Variants in FRK observed in about 807,000 individuals in gnomAD.
The protein encoded by FRK is tyrosine-protein kinase FRK.
Under a neutral mutation model 56.4 loss-of-function variants are expected in FRK, and 51 were observed. That is an observed-to-expected ratio of 0.90 (90% confidence interval 0.72 to 1.14). FRK has a LOEUF of 1.14. FRK is among the 50% of genes most tolerant of loss of function. The pLI is 0.00. For synonymous variants in FRK, 245 were observed against 217.9 expected, an observed-to-expected ratio of 1.12 and a Z score of -1.10; for missense variants, 570 against 601.4, an observed-to-expected ratio of 0.95 and a Z score of 0.55.
At chr6:116,047,751 A>T (rs555696445) in intron 1 of FRK, among the ~76,000 whole-genome samples, 2 of 152,324 alleles carry the variant, frequency 1.3e-5, no homozygotes, top group South Asian at 2.1e-4. Flanking sequence ...ACATAGTCTC[A>T]CTTCCTCCTG....
chr6:116,016,130 C>A (rs557916407), intron 1 of FRK, among the ~76,000 whole-genome samples: 1 of 152,254 alleles, frequency 6.6e-6, no homozygotes, highest in Admixed American at 6.5e-5. Context: ...GGCAGCCCCT[C>A]CCATCACAGG....
intron 1 of FRK, chr6:116,039,561 T>A (rs1776632500): frequency 1.1e-6 from 1 of 895,752 alleles, no homozygotes; most frequent in South Asian, 1.3e-5. Context: ...GCCCAGTAAC[T>A]GCCCCTCCCC....
At chr6:115,962,657 C>A (rs1363976742) in intron 4 of FRK, among the ~76,000 whole-genome samples, 1 of 16,288 alleles carries the variant, frequency 6.1e-5, no homozygotes, top group Non-Finnish European at 1.5e-4. Context: ...TAAAGCTCTC[C>A]TCAGCAAATG....
At position 115,942,322 on chromosome 6, in the gene FRK, C is replaced by T; in HGVS notation, c.*92G>A. ...TATCACTTGAATATGTCAGGATAAA[C>T]TGATTGTGCAGTTGGTTGATAACAT... On this transcript the variant is annotated 3_prime_UTR_variant, in exon 8 of 8. Transcript: ENST00000606080. 1 of 1,037,238 alleles carries T rather than the reference C, an allele frequency of 9.6e-7. No homozygotes were observed. Among genetic ancestry groups the T allele is most frequent in the Non-Finnish European group, 1.5e-6 (1 of 685,162 alleles). 64.3% of individuals were successfully genotyped at this position (1,037,238 alleles called of 1,614,324 possible). A position where few individuals can be genotyped will look rare whatever the true frequency, so the allele number is the denominator to read the frequency against.
intron 1 of FRK, chr6:116,039,331 A>C: frequency 7.1e-7 from 1 of 1,417,946 alleles, no homozygotes; most frequent in African/African-American, 1.4e-5. Context: ...ATGGTGTCCA[A>C]CATCTCTGAT....
chr6:116,055,238 C>A (rs1269985510), intron 1 of FRK, among the ~76,000 whole-genome samples: 1 of 152,164 alleles, frequency 6.6e-6, no homozygotes, highest in East Asian at 1.9e-4. Context: ...AAGAGCAGCA[C>A]AAGCAGGAAA....
chr6:115,956,302 A>C (rs1582644207), intron 5 of FRK, 150 bp downstream of exon 5: 1 of 436,476 alleles, frequency 2.3e-6, no homozygotes, highest in African/African-American at 2.0e-5. Flanking sequence ...ATTAAATAGT[A>C]GTTGAGCCAT....
chr6:115,991,328 T>C (rs1774597317), intron 2 of FRK, among the ~76,000 whole-genome samples: 1 of 151,770 alleles, frequency 6.6e-6, no homozygotes, highest in Non-Finnish European at 1.5e-5. Flanking sequence ...GTGGTGAGAG[T>C]GGACATCCTT....
intron 2 of FRK, among the ~76,000 whole-genome samples, chr6:116,002,159 GA>G (rs934434107): frequency 6.6e-6 from 1 of 152,062 alleles, no homozygotes; most frequent in South Asian, 2.1e-4. Context: ...TTCATAATGA[GA>G]AAAAAACATT....
chr6:116,037,049 G>A (rs1776512040), intron 1 of FRK, among the ~76,000 whole-genome samples: 1 of 152,118 alleles, frequency 6.6e-6, no homozygotes. Context: ...AGAATGTCAG[G>A]CACACCCAAA....
rs1422664378 is a variant in FRK, at chr6:115,994,321, AC to A, written c.466+9555del. 3.6e-4 allele frequency among the ~76,000 whole-genome samples: 17 copies of A among 47,814 alleles called. 3 individuals carry two copies. In the Admixed American group the frequency reaches 4.7e-3, roughly 13 times the overall value. The allele number at this position is 47,814 out of a possible 152,430, so 31.4% of individuals were successfully genotyped here. A position where few individuals can be genotyped will look rare whatever the true frequency, so the allele number is the denominator to read the frequency against. On this transcript the variant is annotated intron_variant, in intron 2 of 7. Transcript: ENST00000606080. ...GTTATTGGGTATCCAGAATCTCACAACCTCCCCCCCCCCCGCCTTTTTTTTG... is the reference window on the plus strand; with the variant it reads ...GTTATTGGGTATCCAGAATCTCACAACTCCCCCCCCCCCGCCTTTTTTTTG...
intron 1 of FRK, chr6:116,039,600 C>A (rs915805772): frequency 1.3e-6 from 1 of 784,720 alleles, no homozygotes; most frequent in Non-Finnish European, 2.3e-6. Flanking sequence ...TGTCATCTGC[C>A]CCCTCTTGCG....
chr6:115,982,423 T>C (rs760811597), intron 2 of FRK, among the ~76,000 whole-genome samples: 1 of 152,152 alleles, frequency 6.6e-6, no homozygotes, highest in South Asian at 2.1e-4. Flanking sequence ...CACATATATA[T>C]ACTTTACTAG....
At chr6:115,951,315 A>G (rs953969419) in intron 5 of FRK, among the ~76,000 whole-genome samples, 11 of 152,228 alleles carry the variant, frequency 7.2e-5, no homozygotes, top group African/African-American at 2.7e-4. Context: ...CATATAGTTT[A>G]TTTCCAGTCA....
At position 115,943,172 on chromosome 6, in the gene FRK, T is replaced by C; in HGVS notation, c.1154A>G (p.Asp385Gly). 1.2e-6 allele frequency: 2 copies of C among 1,609,488 alleles called. No individual in the cohort carries two copies. Among genetic ancestry groups the C allele is most frequent in the Non-Finnish European group, 1.7e-6 (2 of 1,178,292 alleles). ...LARVFKVDNEDIYESRHEIKL... is the reference protein window; with the variant it reads ...LARVFKVDNEGIYESRHEIKL... The stretch of plus-strand genomic sequence containing the variant: ...TATTTCGTGTCTAGATTCATAGATG[T>C]CTTCATTATCTACCTGTTCATGTAT... The change falls in exon 7 of 8, where the codon GAC becomes GGC. Residue 385 changes from aspartate (D) to glycine (G), a missense_variant. Coordinates refer to ENST00000606080, the MANE Select transcript of FRK (RefSeq NM_002031.3).
In FRK at chr6:115,958,712, A is replaced by AAAGAAGG. The variant is rs1773162953; in HGVS notation, c.800-2103_800-2102insCCTTCTT. ...AGAAAGAAAGAAAGAAAGAAGAAAG[A>AAAGAAGG]AAGAAAGAAAGAAAGAAAGAAAGAA... On this transcript the variant is annotated intron_variant, in intron 4 of 7. Coordinates refer to ENST00000606080, the MANE Select transcript of FRK (RefSeq NM_002031.3). Among the ~76,000 whole-genome samples the AAAGAAGG allele has an allele frequency of 8.5e-4, 14 of 16,520 alleles. 1 individual carries two copies. Among genetic ancestry groups the AAAGAAGG allele is most frequent in the African/African-American group, 2.9e-3 (12 of 4,074 alleles). 10.8% of individuals were successfully genotyped at this position (16,520 alleles called of 152,430 possible).
chr6:115,999,900 T>C, intron 2 of FRK, among the ~76,000 whole-genome samples: 1 of 152,186 alleles, frequency 6.6e-6, no homozygotes, highest in East Asian at 1.9e-4. Context: ...ATTTACTTTG[T>C]CCCCCAGTGA....
At chr6:115,956,192 T>C (rs1772980932) in intron 5 of FRK, among the ~76,000 whole-genome samples, 1 of 152,214 alleles carries the variant, frequency 6.6e-6, no homozygotes, top group African/African-American at 2.4e-5. Flanking sequence ...TTCTTTAATT[T>C]CCCACGTTAC....
At chr6:116,007,840 A>G (rs118131743) in intron 1 of FRK, among the ~76,000 whole-genome samples, 1,676 of 129,506 alleles carry the variant, frequency 0.013, 16 homozygotes, top group Middle Eastern at 0.031. Context: ...TAATGCATAT[A>G]TGTTCAGAAA....
Sources: allele counts gnomAD v4.1 joint callset (sites outside exome capture counted in the v4.1 genomes callset), GRCh38; gene constraint gnomAD v4.1.1; transcripts MANE v1.5; gene names NCBI Gene and HGNC (gene_info 2026-07-23, HGNC 2026-07-21).